The following SPTLC3 variants were observed in gnomAD, a reference collection of about 807,000 sequenced individuals.
SPTLC3 encodes serine palmitoyltransferase long chain base subunit 3.
In SPTLC3, 36 loss-of-function variants were observed where a neutral mutation model predicts 59.3. The ratio of observed to expected loss-of-function variants is 0.61; its 90% CI spans 0.47 to 0.80. The LOEUF (loss-of-function observed/expected upper bound fraction) is 0.80, where lower values mean the gene tolerates loss of function less well. SPTLC3 is among the 30% of genes least tolerant of loss of function. SPTLC3 has a pLI of 0.00. For synonymous variants in SPTLC3, 257 were observed against 240.8 expected, an observed-to-expected ratio of 1.07 and a Z score of -0.62; for missense variants, 625 against 685.1, an observed-to-expected ratio of 0.91 and a Z score of 0.98.
At position 13,118,987 on chromosome 20, in the gene SPTLC3, C is replaced by A. The variant is rs556903246; in HGVS notation, c.1152+1262C>A. 2.6e-5 allele frequency among the ~76,000 whole-genome samples: 4 copies of A among 152,346 alleles called. No individual in the cohort carries two copies. The South Asian group carries it at 8.3e-4, about 32-fold the overall frequency. ...TTGTTTTTCATCCCCTCTTCACTGGCCTGTGGGAATCAGCTGGGTAATGCT... is the reference window on the plus strand; with the variant it reads ...TTGTTTTTCATCCCCTCTTCACTGGACTGTGGGAATCAGCTGGGTAATGCT... On this transcript the variant is annotated intron_variant, in intron 8 of 11. Coordinates refer to ENST00000399002, the MANE Select transcript of SPTLC3 (RefSeq NM_018327.4).
intron 8 of SPTLC3, among the ~76,000 whole-genome samples, chr20:13,125,512 C>G (rs1347045363): frequency 1.3e-5 from 2 of 152,190 alleles, no homozygotes; most frequent in Non-Finnish European, 2.9e-5. Flanking sequence ...TGTCTAAAAA[C>G]ACCACCATTT....
chr20:13,009,421 C>T, intron 1 of SPTLC3, 37 bp downstream of exon 1: 2 of 1,529,384 alleles, frequency 1.3e-6, no homozygotes, highest in South Asian at 1.1e-5. Context: ...TCTGAATTAC[C>T]TGAACGTTTC....
In SPTLC3 at chr20:13,126,615, C is replaced by T. The variant is rs941422250; in HGVS notation, c.1177C>T (p.His393Tyr). The T allele has an allele frequency of 6.8e-6, 11 of 1,613,848 alleles. No homozygotes were observed. Among genetic ancestry groups the T allele is most frequent in the Non-Finnish European group, 9.3e-6 (11 of 1,179,908 alleles). ...GGACCTCGTGGATTATTTACGGGTTCACTCGCATAGTGCTGTTTATGCTTC... is the reference window on the plus strand; with the variant it reads ...GGACCTCGTGGATTATTTACGGGTTTACTCGCATAGTGCTGTTTATGCTTC... ...RKDLVDYLRV[H>Y]SHSAVYASSM... Residue 393 changes from histidine to tyrosine, a missense_variant, in exon 9 of 12, where the codon CAC becomes TAC. Coordinates refer to ENST00000399002, the MANE Select transcript of SPTLC3 (RefSeq NM_018327.4).
rs554848305 is a variant in SPTLC3 at position 13,155,309 on chromosome 20, C to A, written c.1415+1171C>A. Among the ~76,000 whole-genome samples, 3 of 152,308 alleles carry A rather than the reference C, an allele frequency of 2.0e-5. No homozygotes were observed. The South Asian group carries it at 6.2e-4, about 32-fold the overall frequency. On this transcript the variant is annotated intron_variant, in intron 10 of 11. Transcript: ENST00000399002. ...ACGCATCAGATTCTAGAGGTCCTAACTCCCCTCCAATGTAACCCATTGCTG... is the reference window on the plus strand; with the variant it reads ...ACGCATCAGATTCTAGAGGTCCTAAATCCCCTCCAATGTAACCCATTGCTG...
At chr20:13,027,419 G>A (rs1161302353) in intron 1 of SPTLC3, among the ~76,000 whole-genome samples, 1 of 152,110 alleles carries the variant, frequency 6.6e-6, no homozygotes, top group Non-Finnish European at 1.5e-5. Context: ...TCAGAAAAGT[G>A]AGATCAAAAC....
At chr20:13,131,776 A>G (rs945564989) in intron 9 of SPTLC3, among the ~76,000 whole-genome samples, 1 of 152,106 alleles carries the variant, frequency 6.6e-6, no homozygotes. Flanking sequence ...AGAAGCCAAA[A>G]TTATCTTTTT....
chr20:13,119,559 C>T (rs1990784472), intron 8 of SPTLC3, among the ~76,000 whole-genome samples: 2 of 152,186 alleles, frequency 1.3e-5, no homozygotes, highest in Non-Finnish European at 2.9e-5. Flanking sequence ...ATTTTCTTAT[C>T]TCTTAAAATG....
intron 1 of SPTLC3, among the ~76,000 whole-genome samples, chr20:13,023,391 G>T (rs574398494): frequency 6.6e-6 from 1 of 152,098 alleles, no homozygotes; most frequent in African/African-American, 2.4e-5. Flanking sequence ...GTCCACCTGG[G>T]CAGGAATTTC....
chr20:13,073,020 G>T (rs1282238033), intron 3 of SPTLC3, among the ~76,000 whole-genome samples: 1 of 151,998 alleles, frequency 6.6e-6, no homozygotes, highest in Non-Finnish European at 1.5e-5. Flanking sequence ...GTGTACTTGG[G>T]GCATCCATCA....
intron 9 of SPTLC3, among the ~76,000 whole-genome samples, chr20:13,127,198 T>C (rs770748823): frequency 8.5e-5 from 13 of 152,236 alleles, no homozygotes; most frequent in Admixed American, 4.6e-4. Context: ...TCCAGCCATT[T>C]CTTTGTCAGT....
intron 2 of SPTLC3, among the ~76,000 whole-genome samples, chr20:13,070,318 T>C (rs910220406): frequency 6.6e-6 from 1 of 152,196 alleles, no homozygotes; most frequent in Non-Finnish European, 1.5e-5. Context: ...AAGAAAAGTA[T>C]ACTTTTTCCC....
intron 4 of SPTLC3, among the ~76,000 whole-genome samples, chr20:13,090,040 T>C (rs1989160427): frequency 6.6e-6 from 1 of 152,202 alleles, no homozygotes; most frequent in African/African-American, 2.4e-5. Flanking sequence ...GTTTCTCAAT[T>C]GCACTAACCA....
intron 2 of SPTLC3, among the ~76,000 whole-genome samples, chr20:13,052,908 T>C (rs956081958): frequency 7.9e-5 from 12 of 152,144 alleles, no homozygotes; most frequent in African/African-American, 2.7e-4. Flanking sequence ...GGTTTATAGA[T>C]GGAACTCCCA....
rs543692933 is a variant in SPTLC3 at position 13,053,170 on chromosome 20, C to T, written c.303+4040C>T. On this transcript the variant is annotated intron_variant, in intron 2 of 11. Transcript: ENST00000399002. ...TCCGGCTGGCATCTGGTGGGTGGCCCTCTGGGATGAAGCTTCCAGAGGAAG... is the reference window on the plus strand; with the variant it reads ...TCCGGCTGGCATCTGGTGGGTGGCCTTCTGGGATGAAGCTTCCAGAGGAAG... Among the ~76,000 whole-genome samples, 203 of 152,252 alleles carry T rather than the reference C, an allele frequency of 1.3e-3. 1 individual carries two copies. Among genetic ancestry groups the T allele is most frequent in the African/African-American group, 4.7e-3 (196 of 41,538 alleles).
intron 11 of SPTLC3, among the ~76,000 whole-genome samples, chr20:13,162,567 A>T (rs998394201): frequency 1.3e-5 from 2 of 152,150 alleles, no homozygotes; most frequent in African/African-American, 4.8e-5. Flanking sequence ...AGGCTCATAG[A>T]CTAGAAATAA....
At chr20:13,050,919 G>A (rs1026921876) in intron 2 of SPTLC3, 3 of 152,080 alleles carry the variant, frequency 2.0e-5, no homozygotes, top group African/African-American at 7.2e-5. Flanking sequence ...ACTGATAAAA[G>A]GAGCTCTAAA....
At chr20:13,103,685 G>T (rs115357149) in intron 6 of SPTLC3, among the ~76,000 whole-genome samples, 2 of 152,186 alleles carry the variant, frequency 1.3e-5, no homozygotes, top group East Asian at 3.9e-4. Flanking sequence ...CCCCAATCTC[G>T]CATTCCTGGA....
intron 8 of SPTLC3, among the ~76,000 whole-genome samples, chr20:13,124,726 A>G (rs1032469488): frequency 1.3e-5 from 2 of 152,166 alleles, no homozygotes; most frequent in Non-Finnish European, 2.9e-5. Flanking sequence ...GTGCTGAGGA[A>G]GAGAAACTGT....
At chr20:13,091,039 T>A in intron 4 of SPTLC3, 44 bp from the exon 5 acceptor site, 1 of 1,606,780 alleles carries the variant, frequency 6.2e-7, no homozygotes, top group Non-Finnish European at 8.5e-7. Context: ...ATCTTGGCCT[T>A]GTTGAAAAGA....
Sources: gnomAD v4.1 joint callset for allele counts (sites outside exome capture counted in the v4.1 genomes callset) on GRCh38, gnomAD v4.1.1 for gene constraint, MANE v1.5 for transcripts, NCBI Gene and HGNC (gene_info 2026-07-23, HGNC 2026-07-21) for gene names.